The following DNAJC6 variants were observed in gnomAD, a reference collection of about 807,000 sequenced individuals.
DNAJC6 encodes the protein DnaJ heat shock protein family (Hsp40) member C6.
Under a neutral mutation model 110.0 loss-of-function variants are expected in DNAJC6, and 34 were observed. The observed-to-expected ratio is 0.31, with a 90% CI of 0.24 to 0.41. The LOEUF (loss-of-function observed/expected upper bound fraction) is 0.41. DNAJC6 is among the 10% of genes least tolerant of loss of function. The pLI is 1.00. For missense variants in DNAJC6, 1,031 were observed against 1,207.8 expected (o/e 0.85, Z 2.17); for synonymous variants, 406 against 437.2 (o/e 0.93, Z 0.89).
intron 1 of DNAJC6, among the ~76,000 whole-genome samples, chr1:65,294,812 C>A (rs1644914023): frequency 6.6e-6 from 1 of 151,946 alleles, no homozygotes; most frequent in African/African-American, 2.4e-5. Flanking sequence ...CATTATATTT[C>A]TGCTGGACAA....
Position 65,373,628 on chromosome 1 carries a change from G to T in DNAJC6, c.544-5774G>T, listed in dbSNP as rs11811838. On this transcript the variant is annotated intron_variant, in intron 4 of 18. Coordinates refer to ENST00000371069, the MANE Select transcript of DNAJC6 (RefSeq NM_001256864.2). ...AACTCTTTTGCCCAGTTTTTAATTT[G>T]TTTTTTTTTTTTATTGTTGAGTTGT... Among the ~76,000 whole-genome samples, 1,299 of 144,830 alleles carry T rather than the reference G, an allele frequency of 9.0e-3. 12 individuals carry two copies. Among genetic ancestry groups the T allele is most frequent in the African/African-American group, 0.026 (1,018 of 39,572 alleles).
At chr1:65,359,597 TA>T (rs917396460) in intron 1 of DNAJC6, among the ~76,000 whole-genome samples, 2 of 152,190 alleles carry the variant, frequency 1.3e-5, no homozygotes, top group African/African-American at 2.4e-5. Flanking sequence ...GGACCCTTAG[TA>T]AGCAGAGTGT....
upstream of DNAJC6, among the ~76,000 whole-genome samples, chr1:65,309,059 C>T (rs906360604): frequency 6.6e-6 from 1 of 152,182 alleles, no homozygotes; most frequent in Admixed American, 6.5e-5. Flanking sequence ...TTCTCTAGGA[C>T]GGTTACCGTC....
At chr1:65,289,153 G>A (rs570351552) in intron 1 of DNAJC6, among the ~76,000 whole-genome samples, 1 of 152,092 alleles carries the variant, frequency 6.6e-6, no homozygotes, top group South Asian at 2.1e-4. Context: ...GAGATTTCTA[G>A]TTATTCCACA....
intron 1 of DNAJC6, among the ~76,000 whole-genome samples, chr1:65,327,306 A>G (rs1570281798): frequency 3.9e-5 from 6 of 152,334 alleles, no homozygotes; most frequent in Admixed American, 3.9e-4. Context: ...GGAGGAGGAT[A>G]TAATTATGGA....
At chr1:65,386,778 C>G (rs750710740) in intron 7 of DNAJC6, 34 bp from the exon 8 acceptor site, 1 of 1,558,284 alleles carries the variant, frequency 6.4e-7, no homozygotes, top group Non-Finnish European at 8.9e-7. Context: ...AGATTGGACT[C>G]TCTTTCAATG....
chr1:65,315,774 A>G (rs2101388832), intron 1 of DNAJC6, among the ~76,000 whole-genome samples: 1 of 152,346 alleles, frequency 6.6e-6, no homozygotes, highest in South Asian at 2.1e-4. Flanking sequence ...GCGTGAGGTT[A>G]CACAGGCTCT....
chr1:65,326,137 C>T (rs1179322169), intron 1 of DNAJC6, among the ~76,000 whole-genome samples: 1 of 152,154 alleles, frequency 6.6e-6, no homozygotes, highest in Non-Finnish European at 1.5e-5. Flanking sequence ...TTTCTGGGAC[C>T]ACTCCCCTCT....
chr1:65,312,742 T>C (rs1377891085), intron 1 of DNAJC6, among the ~76,000 whole-genome samples: 1 of 152,234 alleles, frequency 6.6e-6, no homozygotes, highest in Non-Finnish European at 1.5e-5. Context: ...AGCATGTGTC[T>C]GTGCTTGGAG....
intron 1 of DNAJC6, chr1:65,298,774 T>C (rs1644950581): frequency 6.6e-6 from 1 of 152,390 alleles, no homozygotes; most frequent in South Asian, 2.1e-4. Context: ...TGAGAGATAT[T>C]AGCCTTCCTC....
intron 4 of DNAJC6, among the ~76,000 whole-genome samples, chr1:65,379,093 A>C (rs1375752149): frequency 6.6e-6 from 1 of 152,256 alleles, no homozygotes; most frequent in Non-Finnish European, 1.5e-5. Context: ...TATGCTTAAT[A>C]GAAATGAAAT....
chr1:65,307,012 CTCTCTCTATA>C (rs1248947092), upstream of DNAJC6, among the ~76,000 whole-genome samples: 246 of 79,970 alleles, frequency 3.1e-3, 1 homozygote, highest in Middle Eastern at 6.6e-3. Flanking sequence ...CTCTCTCTCT[CTCTCTCTATA>C]TATATATATA....
At chr1:65,327,632 C>T (rs1419884425) in intron 1 of DNAJC6, among the ~76,000 whole-genome samples, 1 of 152,144 alleles carries the variant, frequency 6.6e-6, no homozygotes, top group Non-Finnish European at 1.5e-5. Context: ...GTGATTTCTA[C>T]CATCCATTCT....
At chr1:65,346,007 G>A (rs1645433895) in intron 1 of DNAJC6, among the ~76,000 whole-genome samples, 1 of 152,148 alleles carries the variant, frequency 6.6e-6, no homozygotes. Flanking sequence ...GGTTCTCTTT[G>A]TACTTAGGTA....
chr1:65,397,395 C>T (rs1177078704), intron 13 of DNAJC6, among the ~76,000 whole-genome samples: 1 of 152,172 alleles, frequency 6.6e-6, no homozygotes, highest in Admixed American at 6.5e-5. Flanking sequence ...AGAGAATAAT[C>T]ACTTGGGACA....
chr1:65,265,435 T>A (rs545748855), intron 1 of DNAJC6, among the ~76,000 whole-genome samples: 2 of 152,302 alleles, frequency 1.3e-5, no homozygotes, highest in Admixed American at 1.3e-4. Context: ...GTCGCTGACC[T>A]TCAGAACTGT....
intron 1 of DNAJC6, among the ~76,000 whole-genome samples, chr1:65,346,109 A>G (rs1190184587): frequency 6.6e-6 from 1 of 152,082 alleles, no homozygotes; most frequent in Non-Finnish European, 1.5e-5. Context: ...TGTAGTTAGC[A>G]TTTAGAAGTG....
intron 15 of DNAJC6, among the ~76,000 whole-genome samples, chr1:65,403,776 T>C (rs1379413445): frequency 6.6e-6 from 1 of 152,234 alleles, no homozygotes; most frequent in Non-Finnish European, 1.5e-5. Context: ...TTAGACTTGC[T>C]GAGCATGGGG....
At chr1:65,284,346 T>A (rs1356136214) in intron 1 of DNAJC6, among the ~76,000 whole-genome samples, 1 of 152,218 alleles carries the variant, frequency 6.6e-6, no homozygotes, top group East Asian at 1.9e-4. Context: ...CAACTCCTCA[T>A]GTGTGCTTAT....
Sources: allele counts gnomAD v4.1 joint callset (sites outside exome capture counted in the v4.1 genomes callset), GRCh38; gene constraint gnomAD v4.1.1; transcripts MANE v1.5; gene names NCBI Gene and HGNC (gene_info 2026-07-23, HGNC 2026-07-21).